ZNF473: variants seen among roughly 807,000 people sequenced by gnomAD.
ZNF473 encodes zinc finger protein 473, also known as zinc finger protein 100 homolog.
In ZNF473, 4 loss-of-function variants were observed where a neutral mutation model predicts 11.1. That is an observed-to-expected ratio of 0.36 (90% confidence interval 0.18 to 0.82). ZNF473 has a LOEUF of 0.82. Among genes scored for constraint, ZNF473 ranks in the 40% least tolerant of loss-of-function variants. The pLI, the probability that ZNF473 is intolerant of heterozygous loss-of-function variation, is 0.49. For synonymous variants in ZNF473, 404 were observed against 390.4 expected (o/e 1.03, Z -0.41); for missense variants, 854 against 1,084.0 (o/e 0.79, Z 2.98).
rs2077315125 is a variant in ZNF473 at position 50,031,048 on chromosome 19, G to A, written c.-35G>A. 6.4e-7 allele frequency: 1 copy of A among 1,561,822 alleles called. No homozygotes were observed. The highest frequency in any genetic ancestry group is 8.7e-7 in the Non-Finnish European group (1 of 1,152,646). On this transcript the variant is annotated 5_prime_UTR_variant, in exon 2 of 5. Coordinates refer to ENST00000270617, the MANE Select transcript of ZNF473 (RefSeq NM_015428.4). The stretch of plus-strand genomic sequence containing the variant: ...CCGGGAACACGGAGGGGAAGGAGGA[G>A]GAGCTTAAAAGAGGCTACTGAACCC...
rs1978959947 is a variant in ZNF473 at position 50,044,654 on chromosome 19, G to T, written c.227-16G>T. ...CACCCTTAGTGAACAGGAGACATTT[G>T]CACTTGCTCTTTCAGATGTGACTGA... is the stretch of plus-strand genomic sequence containing the variant. On this transcript the variant is annotated splice_polypyrimidine_tract_variant and intron_variant, in intron 4 of 4. Coordinates refer to ENST00000270617, the MANE Select transcript of ZNF473 (RefSeq NM_015428.4). The T allele has an allele frequency of 6.3e-7, 1 of 1,585,872 alleles. No homozygotes were observed. The highest frequency in any genetic ancestry group is 8.6e-7 in the Non-Finnish European group (1 of 1,164,454).
At chr19:50,043,929 A>G (rs541656969) in intron 4 of ZNF473, among the ~76,000 whole-genome samples, 5 of 152,202 alleles carry the variant, frequency 3.3e-5, no homozygotes, top group African/African-American at 9.6e-5. Flanking sequence ...GGCACAGAGG[A>G]GAAAGTCTGG....
At chr19:50,038,256 TAAA>T (rs938259808) in intron 2 of ZNF473, among the ~76,000 whole-genome samples, 7 of 149,972 alleles carry the variant, frequency 4.7e-5, no homozygotes, top group Admixed American at 4.7e-4. Flanking sequence ...CACACACACA[TAAA>T]TAATAATAAA....
Position 50,030,882 on chromosome 19 carries a change from TC to T in ZNF473, c.-191-6del. The T allele has an allele frequency of 1.5e-6, 1 of 680,732 alleles. No individual in the cohort carries two copies. The highest frequency in any genetic ancestry group is 2.7e-5 in the East Asian group (1 of 36,498). 42.2% of individuals were successfully genotyped at this position (680,732 alleles called of 1,614,324 possible). On this transcript the variant is annotated splice_polypyrimidine_tract_variant and intron_variant, in intron 1 of 4. Transcript: ENST00000270617. ...GCTTCAGTAAATATAGTTGTTGTTG[TC>T]CCCTGCAGGGAGACTCACATTGGGA...
rs1227973204 is a variant in ZNF473, at chr19:50,045,664, A to T, written c.1221A>T (p.Glu407Asp). The T allele has an allele frequency of 6.2e-7, 1 of 1,613,980 alleles. No homozygotes were observed. The highest frequency in any genetic ancestry group is 1.3e-5 in the African/African-American group (1 of 74,900). ...HAGEEPYKCN[E>D]RGKSFRHNST... ...GAGAGGAGCCTTATAAGTGTAACGA[A>T]CGTGGGAAATCCTTCAGGCATAACT... is the stretch of plus-strand genomic sequence containing the variant. Residue 407 changes from glutamate to aspartate, a missense_variant, in exon 5 of 5, where the codon GAA (glutamate) becomes GAT (aspartate). Transcript: ENST00000270617.
In ZNF473 at chr19:50,045,104, A is replaced by C. The variant is rs959569536; in HGVS notation, c.661A>C (p.Ser221Arg). Residue 221 changes from serine to arginine, a missense_variant, in exon 5 of 5, where the codon AGT becomes CGT. By Grantham distance (110) the Ser-to-Arg change is moderately radical. Around this residue, in one of 2 missense-constraint regions of ZNF473, gnomAD observed 668 missense variants for 790.2 expected, o/e 0.85. Coordinates refer to ENST00000270617, the MANE Select transcript of ZNF473 (RefSeq NM_015428.4). ...CSECGKSFSGSYRLTQHWITH... is the reference protein window; with the variant it reads ...CSECGKSFSGRYRLTQHWITH... Reference sequence around the variant, plus strand: ...TGAATGTGGGAAAAGCTTCAGTGGGAGTTACCGTCTTACCCAGCACTGGAT... The same window carrying C: ...TGAATGTGGGAAAAGCTTCAGTGGGCGTTACCGTCTTACCCAGCACTGGAT... The C allele has an allele frequency of 1.2e-6, 2 of 1,614,076 alleles. No individual in the cohort carries two copies. Among genetic ancestry groups the C allele is most frequent in the African/African-American group, 2.7e-5 (2 of 74,922 alleles).
intron 3 of ZNF473, among the ~76,000 whole-genome samples, chr19:50,040,788 A>G (rs1600758582): frequency 1.3e-5 from 2 of 152,262 alleles, no homozygotes; most frequent in African/African-American, 4.8e-5. Flanking sequence ...CACGGTGGAA[A>G]CTATCATTTG....
Position 50,045,635 on chromosome 19 carries a change from G to C in ZNF473, c.1192G>C (p.Ala398Pro). 1 of 1,614,150 alleles carries C rather than the reference G, an allele frequency of 6.2e-7. No homozygotes were observed. The highest frequency in any genetic ancestry group is 8.5e-7 in the Non-Finnish European group (1 of 1,180,020). ...SLLIEHQALH[A>P]GEEPYKCNER... is the part of the protein sequence containing the mutation. Reference sequence around the variant, plus strand: ...GCTCATTGAACACCAGGCTCTTCATGCTGGAGAGGAGCCTTATAAGTGTAA... The same window carrying C: ...GCTCATTGAACACCAGGCTCTTCATCCTGGAGAGGAGCCTTATAAGTGTAA... Residue 398 changes from alanine to proline, a missense_variant, in exon 5 of 5, where the codon GCT becomes CCT. Around this residue, in one of 2 missense-constraint regions of ZNF473, gnomAD observed 668 missense variants for 790.2 expected, o/e 0.85. Transcript: ENST00000270617.
chr19:50,034,493 G>C (rs931056922), intron 2 of ZNF473, among the ~76,000 whole-genome samples: 7 of 152,164 alleles, frequency 4.6e-5, no homozygotes, highest in Non-Finnish European at 1.0e-4. Context: ...CCTAGATCAA[G>C]AGTGAGAATT....
At chr19:50,040,303 A>G (rs1978698594) in intron 3 of ZNF473, among the ~76,000 whole-genome samples, 3 of 152,344 alleles carry the variant, frequency 2.0e-5, no homozygotes, top group South Asian at 2.1e-4. Flanking sequence ...GTAGAATGTG[A>G]TATCGCGTGT....
intron 2 of ZNF473, among the ~76,000 whole-genome samples, chr19:50,036,950 G>A (rs1978482065): frequency 1.3e-5 from 2 of 152,194 alleles, no homozygotes; most frequent in Non-Finnish European, 2.9e-5. Context: ...CTTGGAGAAA[G>A]TGACTATTTG....
intron 1 of ZNF473, among the ~76,000 whole-genome samples, chr19:50,028,970 AT>A (rs958829509): frequency 2.0e-5 from 3 of 152,020 alleles, no homozygotes; most frequent in South Asian, 2.1e-4. Flanking sequence ...AGAACAACAA[AT>A]TTTTTTTCAT....
At chr19:50,041,888 A>G in intron 4 of ZNF473, 69 bp downstream of exon 4, 1 of 1,315,876 alleles carries the variant, frequency 7.6e-7, no homozygotes, top group East Asian at 2.4e-5. Flanking sequence ...GGCTGCAGCC[A>G]GCTTTCCCAC....
chr19:50,028,999 C>G (rs941465764), intron 1 of ZNF473, among the ~76,000 whole-genome samples: 2 of 152,202 alleles, frequency 1.3e-5, no homozygotes, highest in African/African-American at 4.8e-5. Flanking sequence ...GTGTCCGTGC[C>G]TTACCTGAAC....
chr19:50,028,523 T>G (rs2077300190), intron 1 of ZNF473, among the ~76,000 whole-genome samples: 1 of 151,714 alleles, frequency 6.6e-6, no homozygotes, highest in Non-Finnish European at 1.5e-5. Flanking sequence ...TAATTTTTTT[T>G]TTTTAGAAAC....
At chr19:50,043,999 A>G (rs1978929460) in intron 4 of ZNF473, among the ~76,000 whole-genome samples, 1 of 152,116 alleles carries the variant, frequency 6.6e-6, no homozygotes, top group Admixed American at 6.5e-5. Flanking sequence ...GGGCTAATAC[A>G]CTCATTTCTT....
chr19:50,047,238 C>A lies in ZNF473; in HGVS notation c.*179C>A. On this transcript the variant is annotated 3_prime_UTR_variant, in exon 5 of 5. Transcript: ENST00000270617. ...CAAAAGTGGAGAAGCTGTACAACGT[C>A]AGGATTCAGAGGTAGGCTCTGGAGC... is the stretch of plus-strand genomic sequence containing the variant. 1 of 625,240 alleles carries A rather than the reference C, an allele frequency of 1.6e-6. No homozygotes were observed. Among genetic ancestry groups the A allele is most frequent in the Non-Finnish European group, 2.7e-6 (1 of 368,498 alleles). 38.7% of individuals were successfully genotyped at this position (625,240 alleles called of 1,614,324 possible).
intron 2 of ZNF473, among the ~76,000 whole-genome samples, chr19:50,038,130 C>A (rs1017967557): frequency 6.8e-6 from 1 of 147,034 alleles, no homozygotes; most frequent in African/African-American, 2.5e-5. Context: ...ACCTCAGCCT[C>A]CTGAGTAGCT....
intron 2 of ZNF473, among the ~76,000 whole-genome samples, chr19:50,032,121 T>C (rs1226359028): frequency 2.0e-5 from 3 of 148,708 alleles, no homozygotes; most frequent in African/African-American, 7.5e-5. Flanking sequence ...CTTGTCACTT[T>C]CCTGTGGCTC....
Sources: gnomAD v4.1 joint callset for allele counts (sites outside exome capture counted in the v4.1 genomes callset) on GRCh38, gnomAD v4.1.1 for gene constraint, gnomAD v4.1.1 regional missense constraint, MANE v1.5 for transcripts, NCBI Gene and HGNC (gene_info 2026-07-23, HGNC 2026-07-21) for gene names.